The following CALN1 variants were observed in gnomAD, a reference collection of about 807,000 sequenced individuals.
CALN1 encodes the protein calcium-binding protein 8.
In CALN1, 17 loss-of-function variants were observed where a neutral mutation model predicts 30.6. The ratio of observed to expected loss-of-function variants is 0.56; its 90% CI spans 0.38 to 0.83. The LOEUF (loss-of-function observed/expected upper bound fraction) is 0.83. CALN1 is among the 40% of genes least tolerant of loss of function. CALN1 has a pLI of 0.00. For missense variants in CALN1, 291 were observed against 354.9 expected (o/e 0.82, Z 1.45); for synonymous variants, 156 against 131.4 (o/e 1.19, Z -1.28).
chr7:72,080,993 T>C (rs1330809176), intron 4 of CALN1, among the ~76,000 whole-genome samples: 3 of 152,130 alleles, frequency 2.0e-5, no homozygotes, highest in Admixed American at 2.0e-4. Flanking sequence ...TAATCTGGAA[T>C]TGGTTTCAGA....
intron 5 of CALN1, among the ~76,000 whole-genome samples, chr7:71,941,193 T>A (rs1239692492): frequency 6.7e-6 from 1 of 149,990 alleles, no homozygotes; most frequent in Non-Finnish European, 1.5e-5. Flanking sequence ...CTAAAAAAAA[T>A]ACAAAAATTA....
At chr7:72,444,510 C>A (rs1808459903) in intron 1 of CALN1, among the ~76,000 whole-genome samples, 1 of 152,140 alleles carries the variant, frequency 6.6e-6, no homozygotes, top group Admixed American at 6.5e-5. Flanking sequence ...GGTGTGTATT[C>A]ATTCAATAAA....
At chr7:71,805,672 C>G (rs1177598517) in intron 6 of CALN1, among the ~76,000 whole-genome samples, 1 of 148,844 alleles carries the variant, frequency 6.7e-6, no homozygotes, top group Admixed American at 6.6e-5. Flanking sequence ...CGTTTTCCAA[C>G]TTGCTTCCTC....
At chr7:71,798,765 G>C (rs1156653235) in intron 6 of CALN1, among the ~76,000 whole-genome samples, 1 of 151,746 alleles carries the variant, frequency 6.6e-6, no homozygotes, top group Non-Finnish European at 1.5e-5. Context: ...GGGATTACAG[G>C]CATGCACCAC....
chr7:72,168,458 C>CA (rs1185265061), intron 3 of CALN1, among the ~76,000 whole-genome samples: 2 of 152,164 alleles, frequency 1.3e-5, no homozygotes, highest in Admixed American at 1.3e-4. Flanking sequence ...AATGAATCTA[C>CA]AGCTCAGGGC....
At chr7:72,012,856 C>A (rs933364268) in intron 5 of CALN1, among the ~76,000 whole-genome samples, 5 of 152,128 alleles carry the variant, frequency 3.3e-5, no homozygotes, top group African/African-American at 1.2e-4. Flanking sequence ...AGTGCAAGGG[C>A]GTGATCTTGG....
chr7:72,486,779 A>T, the CALN1 span, among the ~76,000 whole-genome samples: 1 of 152,104 alleles, frequency 6.6e-6, no homozygotes, highest in Non-Finnish European at 1.5e-5. Context: ...AGTCATTTAT[A>T]TTTTCTCCAA....
intron 4 of CALN1, among the ~76,000 whole-genome samples, chr7:72,044,107 T>C (rs1274916918): frequency 6.7e-6 from 1 of 150,038 alleles, no homozygotes; most frequent in Non-Finnish European, 1.5e-5. Context: ...GAGATTTGGG[T>C]GGGGACACAA....
At chr7:72,156,709 T>C (rs1191978064) in intron 3 of CALN1, among the ~76,000 whole-genome samples, 1 of 152,194 alleles carries the variant, frequency 6.6e-6, no homozygotes, top group Non-Finnish European at 1.5e-5. Context: ...TGGGGCAAAG[T>C]GTTCTGTTTG....
At chr7:71,844,739 CCT>C (rs1005172141) in intron 5 of CALN1, among the ~76,000 whole-genome samples, 6 of 152,054 alleles carry the variant, frequency 3.9e-5, no homozygotes, top group Admixed American at 6.6e-5. Context: ...TGGACTCACC[CCT>C]GAGACAAATG....
At chr7:72,226,447 C>T (rs562424949) in intron 3 of CALN1, among the ~76,000 whole-genome samples, 3 of 152,064 alleles carry the variant, frequency 2.0e-5, no homozygotes, top group Non-Finnish European at 4.4e-5. Context: ...AGTTTCCTCA[C>T]CTAGAAAGCA....
At chr7:72,414,892 C>A (rs1807373082), upstream of CALN1, among the ~76,000 whole-genome samples, 1 of 152,204 alleles carries the variant, frequency 6.6e-6, no homozygotes, top group South Asian at 2.1e-4. Context: ...TACGTTGAAG[C>A]CCTCAACCCC....
At chr7:72,282,332 G>C (rs541185682) in intron 2 of CALN1, among the ~76,000 whole-genome samples, 1 of 152,166 alleles carries the variant, frequency 6.6e-6, no homozygotes, top group Non-Finnish European at 1.5e-5. Flanking sequence ...ATATTTAAGC[G>C]ACTGTCATGA....
At chr7:72,003,829 G>A (rs562716888) in intron 5 of CALN1, among the ~76,000 whole-genome samples, 30 of 152,190 alleles carry the variant, frequency 2.0e-4, no homozygotes, top group African/African-American at 5.3e-4. Flanking sequence ...GAATGATCCC[G>A]AAACCATCCC....
intron 3 of CALN1, among the ~76,000 whole-genome samples, chr7:72,270,718 T>C (rs1796919762): frequency 6.6e-6 from 1 of 152,318 alleles, no homozygotes; most frequent in East Asian, 1.9e-4. Context: ...AATGCTACAG[T>C]GAGCCATGTT....
chr7:72,176,008 A>C (rs1789323962), intron 3 of CALN1, among the ~76,000 whole-genome samples: 1 of 152,160 alleles, frequency 6.6e-6, no homozygotes, highest in Non-Finnish European at 1.5e-5. Flanking sequence ...AAAAAAATGT[A>C]TGGGAACAGA....
At chr7:72,397,571 G>A (rs747288767) in intron 2 of CALN1, among the ~76,000 whole-genome samples, 21 of 152,242 alleles carry the variant, frequency 1.4e-4, no homozygotes, top group Admixed American at 5.2e-4. Context: ...TGAGGAAGAG[G>A]GAGTCAGGAA....
At chr7:72,095,438 G>C (rs1439886778) in intron 4 of CALN1, among the ~76,000 whole-genome samples, 1 of 152,186 alleles carries the variant, frequency 6.6e-6, no homozygotes, top group Non-Finnish European at 1.5e-5. Context: ...CTAACACAGA[G>C]TGAAATACAA....
At chr7:72,240,649 A>G (rs1011751891) in intron 3 of CALN1, among the ~76,000 whole-genome samples, 1 of 152,214 alleles carries the variant, frequency 6.6e-6, no homozygotes, top group Non-Finnish European at 1.5e-5. Flanking sequence ...AACTACCCTC[A>G]TCTTCAGAAG....
Sources: gnomAD v4.1 joint callset for allele counts (sites outside exome capture counted in the v4.1 genomes callset) on GRCh38, gnomAD v4.1.1 for gene constraint, MANE v1.5 for transcripts, NCBI Gene and HGNC (gene_info 2026-07-23, HGNC 2026-07-21) for gene names.